ABLIM2: variants seen among roughly 807,000 people sequenced by gnomAD.
ABLIM2 encodes the protein actin binding LIM protein family member 2.
ABLIM2 carries 53 observed loss-of-function variants against 97.7 expected under a neutral mutation model. That is an observed-to-expected ratio of 0.54 (90% CI 0.44 to 0.68). The LOEUF (loss-of-function observed/expected upper bound fraction) is 0.68, where lower values mean the gene tolerates loss of function less well. Among genes scored for constraint, ABLIM2 ranks in the 30% least tolerant of loss-of-function variants. The pLI, the probability that ABLIM2 is intolerant of heterozygous loss-of-function variation, is 0.00. For synonymous variants in ABLIM2, 361 were observed against 345.8 expected, an observed-to-expected ratio of 1.04 and a Z score of -0.49; for missense variants, 835 against 867.2, an observed-to-expected ratio of 0.96 and a Z score of 0.47.
chr4:8,150,089 C>T lies in ABLIM2; in HGVS notation c.10+8591G>A, dbSNP rs1196022966. On this transcript the variant is annotated intron_variant, in intron 1 of 20. Transcript: ENST00000447017. This position sits in a 1 kb window ranked among gnomAD's most constrained non-coding sequence, Gnocchi z 6.3. ...AGCCTAAATGGAGAGAGTTGTGGGG[C>T]AAAGGGGTTGGAACATCATGAGGGC... Among the ~76,000 whole-genome samples, 1 of 152,188 alleles carries T rather than the reference C, an allele frequency of 6.6e-6. No homozygotes were observed. Among genetic ancestry groups the T allele is most frequent in the Non-Finnish European group, 1.5e-5 (1 of 68,038 alleles).
intron 4 of ABLIM2, among the ~76,000 whole-genome samples, chr4:8,084,257 G>C (rs1000826765): frequency 6.6e-6 from 1 of 152,212 alleles, no homozygotes; most frequent in African/African-American, 2.4e-5. Flanking sequence ...ACCGGGACAG[G>C]CCTGCCATGG....
intron 20 of ABLIM2, among the ~76,000 whole-genome samples, chr4:7,982,569 C>G (rs1435169951): frequency 6.6e-6 from 1 of 152,208 alleles, no homozygotes; most frequent in South Asian, 2.1e-4. Flanking sequence ...GACACCTTGC[C>G]GGTGCTTAGA....
rs969233326 is a variant in ABLIM2 at position 8,087,366 on chromosome 4, A to G, written c.454+803T>C. 6.6e-6 allele frequency among the ~76,000 whole-genome samples: 1 copy of G among 151,872 alleles called. No homozygotes were observed. The highest frequency in any genetic ancestry group is 2.4e-5 in the African/African-American group (1 of 41,370). ...GGCCCCACACCTGCAAACCCCTGAC[A>G]CTTCGGCTGGCATTTGTTTTTTTTC... On this transcript the variant is annotated intron_variant, in intron 4 of 20. Transcript: ENST00000447017. The surrounding 1 kb of genome is among the most constrained non-coding windows in gnomAD (Gnocchi z 4.6).
At chr4:8,089,154 C>G (rs1825685201) in intron 3 of ABLIM2, among the ~76,000 whole-genome samples, 1 of 152,212 alleles carries the variant, frequency 6.6e-6, no homozygotes, top group Non-Finnish European at 1.5e-5. Flanking sequence ...GGAGTGAGGC[C>G]AGGTGAGGGA....
chr4:8,133,146 C>G (rs553015656), intron 1 of ABLIM2, among the ~76,000 whole-genome samples: 2 of 152,164 alleles, frequency 1.3e-5, no homozygotes, highest in East Asian at 3.9e-4. Flanking sequence ...TCCGATGTCA[C>G]GTGGCCTCCT....
At chr4:7,968,338 C>T (rs1447600257) in intron 20 of ABLIM2, among the ~76,000 whole-genome samples, 1 of 152,234 alleles carries the variant, frequency 6.6e-6, no homozygotes, top group Non-Finnish European at 1.5e-5. Context: ...GACAGACACC[C>T]GGAGGAATGG....
intron 20 of ABLIM2, 90 bp from the exon 21 acceptor site, chr4:7,967,193 G>C: frequency 9.3e-7 from 1 of 1,077,162 alleles, no homozygotes; most frequent in Non-Finnish European, 1.4e-6. Context: ...GCAATCCAGG[G>C]GCAGGATTGC....
intron 1 of ABLIM2, among the ~76,000 whole-genome samples, chr4:8,154,844 T>C (rs964395113): frequency 6.6e-6 from 1 of 152,168 alleles, no homozygotes; most frequent in Non-Finnish European, 1.5e-5. Context: ...GGAAATAGGT[T>C]TCATGGACTT....
chr4:8,154,964 C>T (rs1297654321), intron 1 of ABLIM2, among the ~76,000 whole-genome samples: 1 of 152,222 alleles, frequency 6.6e-6, no homozygotes, highest in Non-Finnish European at 1.5e-5. Flanking sequence ...GGGAACTGCC[C>T]TTTATAAAAC....
At chr4:8,108,217 T>C (rs946350731) in intron 1 of ABLIM2, among the ~76,000 whole-genome samples, 1 of 152,248 alleles carries the variant, frequency 6.6e-6, no homozygotes, top group Admixed American at 6.5e-5. Flanking sequence ...CCCTCCCCTC[T>C]GCATTCTGCC....
chr4:8,022,323 C>T lies in ABLIM2; in HGVS notation c.1268-2020G>A, dbSNP rs1052406254. Among the ~76,000 whole-genome samples the T allele has an allele frequency of 1.3e-5, 2 of 152,192 alleles. No individual in the cohort carries two copies. The highest frequency in any genetic ancestry group is 4.8e-5 in the African/African-American group (2 of 41,448). ...CGAGGATCTAACACATCACAGTGTA[C>T]CTGTCCCTCCCCAGTTCCCAGCCAC... On this transcript the variant is annotated intron_variant, in intron 12 of 20. Coordinates refer to ENST00000447017, the MANE Select transcript of ABLIM2 (RefSeq NM_001130083.2). This position sits in a 1 kb window ranked among gnomAD's most constrained non-coding sequence, Gnocchi z 7.8.
chr4:8,144,153 G>A (rs1330938223), intron 1 of ABLIM2, among the ~76,000 whole-genome samples: 1 of 152,220 alleles, frequency 6.6e-6, no homozygotes, highest in Non-Finnish European at 1.5e-5. Flanking sequence ...TGGCAGAGTT[G>A]GGGAAAGGGA....
chr4:8,105,391 C>G (rs754383905), intron 2 of ABLIM2, among the ~76,000 whole-genome samples: 1 of 152,224 alleles, frequency 6.6e-6, no homozygotes, highest in African/African-American at 2.4e-5. Flanking sequence ...CTAAAGCTTG[C>G]GCCTTCCTGG....
chr4:8,060,987 C>T lies in ABLIM2; in HGVS notation c.743G>A (p.Gly248Asp), dbSNP rs1267817536. The change falls in exon 7 of 21, where the codon GGC (glycine) becomes GAC (aspartate). Residue 248 changes from glycine (G) to aspartate (D), a missense_variant. Gly to Asp is a moderately conservative substitution (Grantham distance 94). Coordinates refer to ENST00000447017, the MANE Select transcript of ABLIM2 (RefSeq NM_001130083.2). ...CVRCGQMFAE[G>D]EEMYLQGSSI... ...TGTACCTTGAAGATACATCTCTTCGCCTTCTGCAAACATCTGGCCGCACCT... is the reference window on the plus strand; with the variant it reads ...TGTACCTTGAAGATACATCTCTTCGTCTTCTGCAAACATCTGGCCGCACCT... 4 of 1,595,638 alleles carry T rather than the reference C, an allele frequency of 2.5e-6. No individual in the cohort carries two copies. The highest frequency in any genetic ancestry group is 1.1e-5 in the South Asian group (1 of 87,648).
chr4:8,104,792 C>T (rs1836418032), intron 2 of ABLIM2, among the ~76,000 whole-genome samples: 1 of 152,208 alleles, frequency 6.6e-6, no homozygotes, highest in African/African-American at 2.4e-5. Context: ...CTCAGATGGT[C>T]CCCTTTTAGC....
Position 8,004,527 on chromosome 4 carries a change from CG to C in ABLIM2, c.1618+3531del, listed in dbSNP as rs1164551788. On this transcript the variant is annotated intron_variant, in intron 16 of 20. Transcript: ENST00000447017. The surrounding 1 kb of genome is among the most constrained non-coding windows in gnomAD (Gnocchi z 5.9). ...CCTCTGGGCAGTGCCTCAAGCTGCC[CG>C]GGGGTTTGTATTATGCTGACACGCC... 6.6e-6 allele frequency among the ~76,000 whole-genome samples: 1 copy of C among 152,054 alleles called. No individual in the cohort carries two copies. The highest frequency in any genetic ancestry group is 1.5e-5 in the Non-Finnish European group (1 of 68,010).
At chr4:8,056,123 A>C (rs199985082) in intron 7 of ABLIM2, among the ~76,000 whole-genome samples, 4,294 of 90,228 alleles carry the variant, frequency 0.048, 399 homozygotes, top group East Asian at 0.23. Flanking sequence ...AAAAAAAAAA[A>C]AAAAAAAAAA....
In ABLIM2 at chr4:8,069,567, G is replaced by A. The variant is rs1423284581; in HGVS notation, c.675+8061C>T. Among the ~76,000 whole-genome samples, 33 of 152,310 alleles carry A rather than the reference G, an allele frequency of 2.2e-4. No homozygotes were observed. The highest frequency in any genetic ancestry group is 6.5e-5 in the Admixed American group (1 of 15,288). The stretch of plus-strand genomic sequence containing the variant: ...CGGCAAAGGGTGTGTGCGCATGTGC[G>A]TGTCTGTGTGTCTCTGTGTTTTGCC... On this transcript the variant is annotated intron_variant, in intron 6 of 20. Transcript: ENST00000447017. This position sits in a 1 kb window ranked among gnomAD's most constrained non-coding sequence, Gnocchi z 4.2.
intron 2 of ABLIM2, 59 bp downstream of exon 2, chr4:8,106,435 G>C (rs549592268): frequency 1.9e-6 from 3 of 1,555,356 alleles, no homozygotes; most frequent in Non-Finnish European, 2.6e-6. Flanking sequence ...GCGGGCCCAG[G>C]ATCGCCGCTG....
Sources: allele counts gnomAD v4.1 joint callset (sites outside exome capture counted in the v4.1 genomes callset), GRCh38; gene constraint gnomAD v4.1.1; non-coding constraint Gnocchi (gnomAD v3.1); transcripts MANE v1.5; gene names NCBI Gene and HGNC (gene_info 2026-07-23, HGNC 2026-07-21).